CNTNAP5: variants seen among roughly 807,000 people sequenced by gnomAD.
The protein encoded by CNTNAP5 is contactin-associated protein-like 5.
In CNTNAP5, 72 loss-of-function variants were observed where a neutral mutation model predicts 150.2. The ratio of observed to expected loss-of-function variants is 0.48; its 90% CI spans 0.40 to 0.58. CNTNAP5 has a LOEUF of 0.58. Ranked by LOEUF, CNTNAP5 falls within the 20% of genes least tolerant of loss-of-function variation. The pLI is 0.00. For missense variants in CNTNAP5, 1,636 were observed against 1,626.2 expected, an observed-to-expected ratio of 1.01 and a Z score of -0.10; for synonymous variants, 672 against 619.8, an observed-to-expected ratio of 1.08 and a Z score of -1.25.
chr2:124,519,097 T>G (rs1694797028), intron 8 of CNTNAP5, among the ~76,000 whole-genome samples: 1 of 147,550 alleles, frequency 6.8e-6, no homozygotes, highest in Non-Finnish European at 1.5e-5. Flanking sequence ...TAGAGCATAA[T>G]GTATGATTTT....
In CNTNAP5 at chr2:124,210,004, C is replaced by T. The variant is rs1015422846; in HGVS notation, c.83-11701C>T. On this transcript the variant is annotated intron_variant, in intron 1 of 23. Coordinates refer to ENST00000682447, the MANE Select transcript of CNTNAP5 (RefSeq NM_001367498.1). ...AGCACAGATTGAGAAATAAGCGGTG[C>T]CAGAAGATTAAATAATCCAGAGTTT... Among the ~76,000 whole-genome samples the T allele has an allele frequency of 1.4e-4, 22 of 151,950 alleles. 1 individual carries two copies. Among genetic ancestry groups the T allele is most frequent in the East Asian group, 1.4e-3 (7 of 5,176 alleles).
intron 11 of CNTNAP5, among the ~76,000 whole-genome samples, chr2:124,607,133 T>C (rs761561370): frequency 1.3e-5 from 2 of 152,172 alleles, no homozygotes; most frequent in Non-Finnish European, 2.9e-5. Context: ...CTACCTATTG[T>C]AATGAAGGAT....
chr2:124,561,543 T>G (rs1695893381), intron 10 of CNTNAP5, among the ~76,000 whole-genome samples: 1 of 152,160 alleles, frequency 6.6e-6, no homozygotes, highest in South Asian at 2.1e-4. Flanking sequence ...TGTTTGTTTG[T>G]TTGTTTGGTT....
intron 11 of CNTNAP5, among the ~76,000 whole-genome samples, chr2:124,588,237 T>G (rs1696600764): frequency 6.8e-6 from 1 of 147,280 alleles, no homozygotes; most frequent in African/African-American, 2.5e-5. Context: ...TCTTTCTTTC[T>G]TCTTTCTTTA....
Position 124,336,531 on chromosome 2 carries a change from C to G in CNTNAP5, c.382-80912C>G, listed in dbSNP as rs1242092476. On this transcript the variant is annotated intron_variant, in intron 3 of 23. Coordinates refer to ENST00000682447, the MANE Select transcript of CNTNAP5 (RefSeq NM_001367498.1). ...TAATGCTATCCCTCCCCCCTCCCCCCACCCCACAACAGTCTCCGGTGTGTG... is the reference window on the plus strand; with the variant it reads ...TAATGCTATCCCTCCCCCCTCCCCCGACCCCACAACAGTCTCCGGTGTGTG... Among the ~76,000 whole-genome samples the G allele has an allele frequency of 2.8e-5, 3 of 106,476 alleles. No homozygotes were observed. In the East Asian group the frequency reaches 1.2e-3, roughly 41 times the overall value. 69.9% of individuals were successfully genotyped at this position (106,476 alleles called of 152,430 possible).
intron 3 of CNTNAP5, among the ~76,000 whole-genome samples, chr2:124,356,625 A>T (rs2104708218): frequency 6.6e-6 from 1 of 152,180 alleles, no homozygotes; most frequent in South Asian, 2.1e-4. Context: ...GTCCCTACAA[A>T]GGACATGAGC....
chr2:124,583,544 T>C (rs1696461597), intron 11 of CNTNAP5, among the ~76,000 whole-genome samples: 1 of 152,214 alleles, frequency 6.6e-6, no homozygotes, highest in Non-Finnish European at 1.5e-5. Flanking sequence ...AAAATAACTT[T>C]TGTGAAGTTT....
intron 16 of CNTNAP5, among the ~76,000 whole-genome samples, chr2:124,769,162 T>C (rs1441693840): frequency 6.6e-6 from 1 of 152,086 alleles, no homozygotes; most frequent in East Asian, 1.9e-4. Flanking sequence ...GAGTGTGTCC[T>C]AAGGATATTC....
At chr2:124,771,727 T>C (rs1423263398) in intron 16 of CNTNAP5, among the ~76,000 whole-genome samples, 3 of 138,302 alleles carry the variant, frequency 2.2e-5, no homozygotes, top group Non-Finnish European at 4.8e-5. Context: ...ATCACCACCA[T>C]CACCACCACC....
At chr2:124,262,434 C>T (rs1687482462) in intron 3 of CNTNAP5, among the ~76,000 whole-genome samples, 1 of 152,118 alleles carries the variant, frequency 6.6e-6, no homozygotes. Context: ...CTATGACAAG[C>T]GTCATCTTTG....
intron 13 of CNTNAP5, among the ~76,000 whole-genome samples, chr2:124,698,552 T>G (rs1679454249): frequency 6.6e-6 from 1 of 152,118 alleles, no homozygotes; most frequent in Non-Finnish European, 1.5e-5. Flanking sequence ...GAATCTGAGC[T>G]GAGATGCAAT....
intron 1 of CNTNAP5, among the ~76,000 whole-genome samples, chr2:124,137,405 C>T (rs551773854): frequency 6.6e-6 from 1 of 152,078 alleles, no homozygotes; most frequent in East Asian, 1.9e-4. Context: ...TGTCTGGATC[C>T]ACATAGGACT....
intron 1 of CNTNAP5, among the ~76,000 whole-genome samples, chr2:124,044,007 C>A (rs1250394128): frequency 6.6e-6 from 1 of 152,150 alleles, no homozygotes; most frequent in African/African-American, 2.4e-5. Context: ...GTATGACTGT[C>A]CTCTAAATCC....
intron 21 of CNTNAP5, among the ~76,000 whole-genome samples, chr2:124,890,712 T>A (rs1179965894): frequency 2.0e-5 from 3 of 152,096 alleles, no homozygotes; most frequent in Non-Finnish European, 4.4e-5. Flanking sequence ...GAAACCCCAT[T>A]TCGTAGAGCT....
intron 3 of CNTNAP5, among the ~76,000 whole-genome samples, chr2:124,334,839 A>G (rs1188631122): frequency 1.3e-5 from 2 of 152,054 alleles, no homozygotes; most frequent in East Asian, 3.9e-4. Context: ...TTTCAAATAT[A>G]GAAGACTTTC....
At chr2:124,647,569 A>C (rs1678229197) in intron 12 of CNTNAP5, among the ~76,000 whole-genome samples, 189 bp from the exon 13 acceptor site, 1 of 152,216 alleles carries the variant, frequency 6.6e-6, no homozygotes. Flanking sequence ...TTGAGCTCTT[A>C]AGATTACTGA....
At chr2:124,797,264 C>A (rs1285731650) in intron 18 of CNTNAP5, among the ~76,000 whole-genome samples, 1 of 152,180 alleles carries the variant, frequency 6.6e-6, no homozygotes, top group Non-Finnish European at 1.5e-5. Context: ...TTCCACTACA[C>A]TAACATGGTA....
At chr2:124,031,736 A>C (rs2104621064) in intron 1 of CNTNAP5, among the ~76,000 whole-genome samples, 1 of 152,332 alleles carries the variant, frequency 6.6e-6, no homozygotes, top group Non-Finnish European at 1.5e-5. Flanking sequence ...ATCTAAAAAA[A>C]ATACATAATC....
intron 1 of CNTNAP5, among the ~76,000 whole-genome samples, chr2:124,162,489 C>A (rs539653797): frequency 6.6e-6 from 1 of 152,156 alleles, no homozygotes; most frequent in African/African-American, 2.4e-5. Flanking sequence ...GCTGGCTTGC[C>A]ACCTGGTTAG....
Sources: allele counts gnomAD v4.1 joint callset (sites outside exome capture counted in the v4.1 genomes callset), GRCh38; gene constraint gnomAD v4.1.1; transcripts MANE v1.5; gene names NCBI Gene and HGNC (gene_info 2026-07-23, HGNC 2026-07-21).